ATG13: variants seen among roughly 807,000 people sequenced by gnomAD.
ATG13 encodes the protein autophagy related 13, also known as autophagy-related protein 13.
ATG13 carries 23 observed loss-of-function variants against 65.5 expected under a neutral mutation model. That is an observed-to-expected ratio of 0.35 (90% CI 0.25 to 0.50). ATG13 has a LOEUF of 0.50. ATG13 is among the 20% of genes least tolerant of loss of function. The probability of loss-of-function intolerance (pLI) is 0.98; values close to 1 mark genes in which losing one functional copy is unlikely to be tolerated. For missense variants in ATG13, 566 were observed against 677.0 expected (o/e 0.84, Z 1.82); for synonymous variants, 252 against 245.2 (o/e 1.03, Z -0.26).
chr11:46,629,644 G>A (rs1376512542), intron 1 of ATG13, among the ~76,000 whole-genome samples: 1 of 151,912 alleles, frequency 6.6e-6, no homozygotes, highest in African/African-American at 2.4e-5. Flanking sequence ...TGATCCACCC[G>A]CTTCGGCCTC....
chr11:46,668,545 A>C lies in ATG13; in HGVS notation c.1298A>C (p.Lys433Thr), dbSNP rs1306494837. Residue 433 changes from lysine to threonine, a missense_variant, in exon 16 of 19, where the codon AAG (lysine) becomes ACG (threonine). By Grantham distance (78) the Lys-to-Thr change is moderately conservative. Transcript: ENST00000683050. ...LDIPFAMFAP[K>T]NLELEDTDPM... is the part of the protein sequence containing the mutation. ...ATACCCTTTGCCATGTTTGCTCCCA[A>C]GAATTTGGAGCTGGAGGATACCGAT... The C allele has an allele frequency of 6.2e-7, 1 of 1,614,090 alleles. No homozygotes were observed. The highest frequency in any genetic ancestry group is 1.3e-5 in the African/African-American group (1 of 74,930).
chr11:46,618,775 T>G (rs1161960199), intron 1 of ATG13, among the ~76,000 whole-genome samples: 2 of 152,030 alleles, frequency 1.3e-5, no homozygotes, highest in Non-Finnish European at 2.9e-5. Context: ...AACTCTCCAT[T>G]TATCAGCTCA....
At chr11:46,671,046 C>T (rs2063608157) in intron 18 of ATG13, among the ~76,000 whole-genome samples, 1 of 152,142 alleles carries the variant, frequency 6.6e-6, no homozygotes, top group African/African-American at 2.4e-5. Flanking sequence ...CCACTAAACT[C>T]CCTTGCCTAT....
intron 2 of ATG13, among the ~76,000 whole-genome samples, chr11:46,635,980 C>G (rs1291991126): frequency 6.6e-6 from 1 of 152,120 alleles, no homozygotes; most frequent in African/African-American, 2.4e-5. Flanking sequence ...GGGCCTTGCT[C>G]TGTCACCCAA....
At chr11:46,663,387 C>T (rs1045927364) in intron 11 of ATG13, among the ~76,000 whole-genome samples, 4 of 151,660 alleles carry the variant, frequency 2.6e-5, no homozygotes, top group African/African-American at 4.8e-5. Context: ...CAGCTTTTTA[C>T]TTCATCAGGT....
At chr11:46,629,643 C>G (rs1014942789) in intron 1 of ATG13, among the ~76,000 whole-genome samples, 2 of 152,106 alleles carry the variant, frequency 1.3e-5, no homozygotes, top group Non-Finnish European at 2.9e-5. Context: ...ATGATCCACC[C>G]GCTTCGGCCT....
intron 14 of ATG13, among the ~76,000 whole-genome samples, chr11:46,667,508 C>T (rs1260962771): frequency 6.6e-6 from 1 of 152,126 alleles, no homozygotes; most frequent in African/African-American, 2.4e-5. Flanking sequence ...AGATCTCTGG[C>T]AGGCTAAGGA....
At chr11:46,644,478 G>T in intron 3 of ATG13, 118 bp downstream of exon 3, 2 of 829,450 alleles carry the variant, frequency 2.4e-6, no homozygotes. Flanking sequence ...CCATTTTAAG[G>T]GATACTTCTG....
rs201754873 is a variant in ATG13, at chr11:46,664,800, A to C, written c.889-49A>C. Reference sequence around the variant, plus strand: ...TGTTTGTCACGCTCTGGGATTGCCTATTTTTTCCTTGCCTTTCCTTTTCTC... The same window carrying C: ...TGTTTGTCACGCTCTGGGATTGCCTCTTTTTTCCTTGCCTTTCCTTTTCTC... On this transcript the variant is annotated intron_variant, in intron 12 of 18. Coordinates refer to ENST00000683050, the MANE Select transcript of ATG13 (RefSeq NM_001346311.2). The C allele has an allele frequency of 8.0e-5, 124 of 1,548,656 alleles. No individual in the cohort carries two copies. In the African/African-American group the frequency reaches 1.3e-3, roughly 16 times the overall value.
rs562695724 is a variant in ATG13, at chr11:46,635,285, C to T, written c.-14+5185C>T. 3.3e-5 allele frequency among the ~76,000 whole-genome samples: 5 copies of T among 152,224 alleles called. No individual in the cohort carries two copies. The South Asian group carries it at 1.0e-3, about 32-fold the overall frequency. On this transcript the variant is annotated intron_variant, in intron 2 of 18. Transcript: ENST00000683050. ...CTTCCCAAAGTGCTGGGATTACAGGCGTGAGCCACCGAGCTTGGCCTTTTA... is the reference window on the plus strand; with the variant it reads ...CTTCCCAAAGTGCTGGGATTACAGGTGTGAGCCACCGAGCTTGGCCTTTTA...
chr11:46,629,456 G>A (rs2050908919), intron 1 of ATG13, among the ~76,000 whole-genome samples: 1 of 152,000 alleles, frequency 6.6e-6, no homozygotes, highest in African/African-American at 2.4e-5. Flanking sequence ...GAGTGCAATT[G>A]CATGATCTCA....
intron 11 of ATG13, among the ~76,000 whole-genome samples, chr11:46,660,786 G>A (rs2061026257): frequency 6.6e-6 from 1 of 151,344 alleles, no homozygotes; most frequent in Non-Finnish European, 1.5e-5. Context: ...ATGGGTCACT[G>A]CAGCCTAGAC....
chr11:46,632,199 A>G (rs932659538), intron 2 of ATG13: 6 of 152,102 alleles, frequency 3.9e-5, no homozygotes, highest in Admixed American at 1.3e-4. Context: ...ATTTTTTTTT[A>G]CCTGATTAAG....
At chr11:46,644,406 C>A in intron 3 of ATG13, 46 bp downstream of exon 3, 1 of 1,486,560 alleles carries the variant, frequency 6.7e-7, no homozygotes, top group Non-Finnish European at 9.2e-7. Flanking sequence ...GAAATAACTT[C>A]CGTGCTTCTC....
chr11:46,627,311 G>A (rs879413962), intron 1 of ATG13, among the ~76,000 whole-genome samples: 2 of 151,890 alleles, frequency 1.3e-5, no homozygotes, highest in African/African-American at 2.4e-5. Context: ...CTTGGGAGGC[G>A]GAGGTTGCAG....
chr11:46,655,954 G>A (rs2059963354), intron 7 of ATG13, among the ~76,000 whole-genome samples: 1 of 152,058 alleles, frequency 6.6e-6, no homozygotes, highest in South Asian at 2.1e-4. Context: ...GACTGGTCTT[G>A]AACTCCTGGC....
chr11:46,633,128 T>C (rs1252775403), intron 2 of ATG13, among the ~76,000 whole-genome samples: 1 of 148,428 alleles, frequency 6.7e-6, no homozygotes, highest in African/African-American at 2.5e-5. Flanking sequence ...GGGTTCAAGC[T>C]ATTCTCCTGC....
intron 2 of ATG13, among the ~76,000 whole-genome samples, chr11:46,640,015 A>AT (rs1247321565): frequency 3.3e-5 from 5 of 149,932 alleles, no homozygotes; most frequent in Middle Eastern, 3.4e-3. Context: ...TAATTTTTAT[A>AT]TTTTTTTTTC....
rs899009388 is a variant in ATG13 at position 46,646,021 on chromosome 11, T to G, written c.270+32T>G. 10 of 1,613,384 alleles carry G rather than the reference T, an allele frequency of 6.2e-6. No individual in the cohort carries two copies. The African/African-American group carries it at 8.0e-5, about 13-fold the overall frequency. On this transcript the variant is annotated intron_variant, in intron 5 of 18. Transcript: ENST00000683050. ...CTATGGCCAGGTTGGTGTCTTCATT[T>G]AGCACTGAAGGCTCCTCACACTCTG...
Sources: gnomAD v4.1 joint callset for allele counts (sites outside exome capture counted in the v4.1 genomes callset) on GRCh38, gnomAD v4.1.1 for gene constraint, MANE v1.5 for transcripts, NCBI Gene and HGNC (gene_info 2026-07-23, HGNC 2026-07-21) for gene names.